The following ANKS1A variants were observed in gnomAD, a reference collection of about 807,000 sequenced individuals.
ANKS1A encodes ankyrin repeat and SAM domain-containing protein 1A.
Under a neutral mutation model 120.3 loss-of-function variants are expected in ANKS1A, and 55 were observed. The observed-to-expected ratio is 0.46, with a 90% CI of 0.37 to 0.57. The LOEUF (loss-of-function observed/expected upper bound fraction) is 0.57. Ranked by LOEUF, ANKS1A falls within the 20% of genes least tolerant of loss-of-function variation. The pLI, the probability that ANKS1A is intolerant of heterozygous loss-of-function variation, is 0.00. For synonymous variants in ANKS1A, 590 were observed against 604.7 expected (o/e 0.98, Z 0.36); for missense variants, 1,123 against 1,480.3 (o/e 0.76, Z 3.96).
chr6:34,965,830 T>A (rs1770867498), intron 1 of ANKS1A, among the ~76,000 whole-genome samples: 1 of 151,950 alleles, frequency 6.6e-6, no homozygotes, highest in Admixed American at 6.6e-5. Flanking sequence ...CCCTGCAATC[T>A]CTGACTCCTG....
chr6:34,895,061 G>A (rs1767003490), intron 1 of ANKS1A, among the ~76,000 whole-genome samples: 1 of 152,028 alleles, frequency 6.6e-6, no homozygotes, highest in Non-Finnish European at 1.5e-5. Context: ...TCTGAAATAA[G>A]GAATGAAGCA....
rs190645077 is a variant in ANKS1A, at chr6:34,963,814, G to A, written c.198-3425G>A. Among the ~76,000 whole-genome samples the A allele has an allele frequency of 6.6e-5, 10 of 152,244 alleles. No homozygotes were observed. In the East Asian group the frequency reaches 1.5e-3, roughly 23 times the overall value. ...CTTTTCGGTAATAGCCATTCTAATA[G>A]GTGTGAGGTGATATATCATTTTGGT... On this transcript the variant is annotated intron_variant, in intron 1 of 23. Transcript: ENST00000360359.
chr6:34,918,368 G>GTAA (rs1220391836), intron 1 of ANKS1A, among the ~76,000 whole-genome samples: 1 of 152,156 alleles, frequency 6.6e-6, no homozygotes, highest in African/African-American at 2.4e-5. Context: ...AATGGGGGTG[G>GTAA]TAATAGTATC....
At chr6:35,097,652 A>C in the ANKS1A span, among the ~76,000 whole-genome samples, 5 of 144,930 alleles carry the variant, frequency 3.4e-5, no homozygotes, top group Non-Finnish European at 7.5e-5. Context: ...AAAAAAAAAA[A>C]AAAAAACACA....
chr6:35,029,935 C>T (rs905564894), intron 11 of ANKS1A, among the ~76,000 whole-genome samples: 2 of 151,540 alleles, frequency 1.3e-5, no homozygotes, highest in African/African-American at 2.4e-5. Context: ...TTTGTTTCTT[C>T]GGAATTCATT....
chr6:35,087,602 A>G (rs527273899), intron 23 of ANKS1A, among the ~76,000 whole-genome samples: 12 of 152,324 alleles, frequency 7.9e-5, no homozygotes, highest in African/African-American at 2.9e-4. Context: ...GCCGGCCTGC[A>G]GCCCCACCCC....
chr6:35,072,058 A>G (rs775199414), intron 13 of ANKS1A, among the ~76,000 whole-genome samples: 2 of 152,236 alleles, frequency 1.3e-5, no homozygotes, highest in Non-Finnish European at 2.9e-5. Flanking sequence ...TTGAATGAAG[A>G]CCTCACCTGC....
intron 1 of ANKS1A, among the ~76,000 whole-genome samples, chr6:34,959,803 A>G (rs1401060613): frequency 6.6e-6 from 1 of 152,168 alleles, no homozygotes; most frequent in Non-Finnish European, 1.5e-5. Context: ...AAATTTAGCT[A>G]TGAGTGTTGA....
At chr6:34,928,147 C>T (rs1768806528) in intron 1 of ANKS1A, among the ~76,000 whole-genome samples, 1 of 152,324 alleles carries the variant, frequency 6.6e-6, no homozygotes, top group Non-Finnish European at 1.5e-5. Context: ...CCTGTTTTCC[C>T]TTCATAAGGA....
intron 1 of ANKS1A, among the ~76,000 whole-genome samples, chr6:34,904,516 G>A (rs372270779): frequency 2.0e-5 from 3 of 151,990 alleles, no homozygotes; most frequent in African/African-American, 7.2e-5. Flanking sequence ...GGCGGATCAC[G>A]AGGTCAAGAG....
chr6:35,021,713 C>T (rs903843288), intron 11 of ANKS1A, among the ~76,000 whole-genome samples: 13 of 152,192 alleles, frequency 8.5e-5, no homozygotes, highest in East Asian at 7.7e-4. Context: ...AGGCCGGGTG[C>T]GGTGGCTCAC....
chr6:35,042,732 T>C lies in ANKS1A; in HGVS notation c.2011-11367T>C, dbSNP rs141824996. Among the ~76,000 whole-genome samples, 730 of 152,316 alleles carry C rather than the reference T, an allele frequency of 4.8e-3. 1 individual carries two copies. Among genetic ancestry groups the C allele is most frequent in the South Asian group, 0.017 (83 of 4,826 alleles). On this transcript the variant is annotated intron_variant, in intron 11 of 23. Transcript: ENST00000360359. ...CTTGTTATGTGCCAGCCACCCTCCC[T>C]GTGTCATCGCATCCTCCCCACACCG...
intron 2 of ANKS1A, 75 bp downstream of exon 2, chr6:34,967,394 G>T: frequency 6.7e-7 from 1 of 1,501,790 alleles, no homozygotes. Context: ...TCATTTCCTA[G>T]AAAAGTTTGC....
intron 13 of ANKS1A, among the ~76,000 whole-genome samples, chr6:35,070,214 C>T (rs529587229): frequency 7.2e-5 from 11 of 152,106 alleles, no homozygotes; most frequent in Non-Finnish European, 1.5e-4. Context: ...GTGGCAGTGT[C>T]GTCATTTTCA....
At chr6:35,003,874 A>G (rs369356600) in intron 10 of ANKS1A, among the ~76,000 whole-genome samples, 7 of 152,158 alleles carry the variant, frequency 4.6e-5, no homozygotes, top group African/African-American at 1.4e-4. Context: ...TATACTCAGA[A>G]AAGGAAAGAG....
chr6:35,010,316 C>G (rs1773693636), intron 10 of ANKS1A, among the ~76,000 whole-genome samples: 1 of 152,074 alleles, frequency 6.6e-6, no homozygotes, highest in African/African-American at 2.4e-5. Context: ...TCTGGTTGAA[C>G]AAGATAGAAG....
At chr6:34,961,715 T>C (rs1322167461) in intron 1 of ANKS1A, among the ~76,000 whole-genome samples, 1 of 152,140 alleles carries the variant, frequency 6.6e-6, no homozygotes, top group Non-Finnish European at 1.5e-5. Context: ...CTGAGAGGGC[T>C]GAGATAGTTG....
rs115320372 is a variant in ANKS1A, at chr6:34,994,615, A to T, written c.1423+193A>T. On this transcript the variant is annotated intron_variant, in intron 10 of 23. Coordinates refer to ENST00000360359, the MANE Select transcript of ANKS1A (RefSeq NM_015245.3). ...ACCTGACCTATATGCTCTAGGTTGG[A>T]GTTGGCTGCCACCTTCAGTATGCGA... Among the ~76,000 whole-genome samples, 306 of 152,244 alleles carry T rather than the reference A, an allele frequency of 2.0e-3. 1 individual carries two copies. Among genetic ancestry groups the T allele is most frequent in the African/African-American group, 7.0e-3 (290 of 41,534 alleles).
At chr6:35,073,765 T>C (rs892320694) in intron 13 of ANKS1A, among the ~76,000 whole-genome samples, 3 of 152,204 alleles carry the variant, frequency 2.0e-5, no homozygotes, top group Admixed American at 6.5e-5. Context: ...GAAAATCTCT[T>C]TTCCCCCATG....
Sources: gnomAD v4.1 joint callset for allele counts (sites outside exome capture counted in the v4.1 genomes callset) on GRCh38, gnomAD v4.1.1 for gene constraint, MANE v1.5 for transcripts, NCBI Gene and HGNC (gene_info 2026-07-23, HGNC 2026-07-21) for gene names.